DPP6: variants seen among roughly 807,000 people sequenced by gnomAD.
DPP6 encodes dipeptidyl peptidase like 6, also known as A-type potassium channel modulatory protein DPP6.
Under a neutral mutation model 122.6 loss-of-function variants are expected in DPP6, and 69 were observed. The ratio of observed to expected loss-of-function variants is 0.56; its 90% CI spans 0.46 to 0.69. The LOEUF (loss-of-function observed/expected upper bound fraction) is 0.69. Ranked by LOEUF, DPP6 falls within the 30% of genes least tolerant of loss-of-function variation. The pLI is 0.00. For synonymous variants in DPP6, 418 were observed against 433.1 expected (o/e 0.97, Z 0.43); for missense variants, 928 against 1,116.9 (o/e 0.83, Z 2.41).
intron 1 of DPP6, among the ~76,000 whole-genome samples, chr7:154,097,363 C>A (rs528889036): frequency 5.7e-4 from 87 of 152,314 alleles, no homozygotes; most frequent in African/African-American, 2.0e-3. Context: ...CCTCTATGTG[C>A]AGGGCACACC....
chr7:154,360,611 A>G (rs1450990085), intron 1 of DPP6, among the ~76,000 whole-genome samples: 2 of 152,236 alleles, frequency 1.3e-5, no homozygotes, highest in African/African-American at 4.8e-5. Context: ...GCTCAGCTCT[A>G]TACAAAGAAT....
the DPP6 span, among the ~76,000 whole-genome samples, chr7:153,868,666 A>G: frequency 6.6e-6 from 1 of 151,810 alleles, no homozygotes; most frequent in Admixed American, 6.6e-5. Context: ...TTCTGCTCTG[A>G]TCTTAGTTAT....
At chr7:153,850,924 T>A in the DPP6 span, among the ~76,000 whole-genome samples, 17 of 152,316 alleles carry the variant, frequency 1.1e-4, 1 homozygote, top group Admixed American at 9.8e-4. Context: ...CAAGTGCATA[T>A]GTCCCAGGAG....
At chr7:154,228,678 T>C (rs1442674564) in intron 1 of DPP6, among the ~76,000 whole-genome samples, 1 of 151,952 alleles carries the variant, frequency 6.6e-6, no homozygotes, top group Admixed American at 6.6e-5. Flanking sequence ...TAATAATATA[T>C]ATAAGGGAAC....
upstream of DPP6, among the ~76,000 whole-genome samples, chr7:154,051,415 G>A (rs1176556952): frequency 6.6e-6 from 1 of 151,316 alleles, no homozygotes; most frequent in East Asian, 2.0e-4. Flanking sequence ...ACGGAGAGGA[G>A]TGCAGAAGGG....
chr7:154,836,629 TGAG>T (rs1322396989), intron 16 of DPP6, among the ~76,000 whole-genome samples: 5 of 152,302 alleles, frequency 3.3e-5, no homozygotes, highest in South Asian at 4.1e-4. Flanking sequence ...TGACAAAAAA[TGAG>T]GAGGAAATTG....
intron 3 of DPP6, among the ~76,000 whole-genome samples, chr7:154,482,602 G>A (rs1823403249): frequency 6.6e-6 from 1 of 152,130 alleles, no homozygotes; most frequent in Non-Finnish European, 1.5e-5. Context: ...AATACTAAGT[G>A]TATTAAGTAG....
chr7:153,767,579 G>A, the DPP6 span, among the ~76,000 whole-genome samples: 24 of 145,326 alleles, frequency 1.7e-4, no homozygotes, highest in South Asian at 4.4e-4. Context: ...AGGTTTCACC[G>A]TGTTAGCCAG....
At chr7:154,551,220 C>T (rs1342571356) in intron 4 of DPP6, among the ~76,000 whole-genome samples, 1 of 152,182 alleles carries the variant, frequency 6.6e-6, no homozygotes, top group African/African-American at 2.4e-5. Context: ...ACAAAATCTC[C>T]AAGTAGTCTT....
intron 1 of DPP6, among the ~76,000 whole-genome samples, chr7:154,351,802 C>A (rs1025290418): frequency 6.6e-6 from 1 of 152,178 alleles, no homozygotes; most frequent in African/African-American, 2.4e-5. Context: ...CATGGGGGGC[C>A]TCTGGGTGTA....
chr7:154,152,676 G>T (rs1796482048), intron 1 of DPP6, among the ~76,000 whole-genome samples: 1 of 152,140 alleles, frequency 6.6e-6, no homozygotes, highest in South Asian at 2.1e-4. Context: ...AAGAATAAGG[G>T]ATTCATTTGT....
the DPP6 span, among the ~76,000 whole-genome samples, chr7:153,831,339 G>C: frequency 6.6e-6 from 1 of 152,144 alleles, no homozygotes; most frequent in Non-Finnish European, 1.5e-5. Context: ...GAAGAGGTGA[G>C]ATGATGTTGC....
chr7:154,555,063 A>G (rs886107917), intron 4 of DPP6, among the ~76,000 whole-genome samples: 2 of 152,190 alleles, frequency 1.3e-5, no homozygotes, highest in Non-Finnish European at 2.9e-5. Flanking sequence ...TAAATGACAA[A>G]CAATAAAACC....
In DPP6 at chr7:154,706,234, C is replaced by T. The variant is rs184520835; in HGVS notation, c.763-21533C>T. On this transcript the variant is annotated intron_variant, in intron 7 of 25. Transcript: ENST00000377770. ...TGGCCCAGCTGCTGTGGCCTCCTCC[C>T]TTCCTCGGAGGATTGTCCTTTCTTG... 2.0e-5 allele frequency among the ~76,000 whole-genome samples: 3 copies of T among 152,320 alleles called. No individual in the cohort carries two copies. In the East Asian group the frequency reaches 5.8e-4, roughly 29 times the overall value.
intron 3 of DPP6, among the ~76,000 whole-genome samples, chr7:154,532,357 A>T (rs991281824): frequency 6.6e-6 from 1 of 152,160 alleles, no homozygotes; most frequent in Non-Finnish European, 1.5e-5. Flanking sequence ...CACAGGAAAA[A>T]TTTTAGCTTT....
chr7:154,446,295 T>C lies in DPP6; in HGVS notation c.325T>C (p.Leu109=), dbSNP rs775311377. 6.2e-7 allele frequency: 1 copy of C among 1,612,398 alleles called. No individual in the cohort carries two copies. Among genetic ancestry groups the C allele is most frequent in the South Asian group, 1.1e-5 (1 of 90,836 alleles). The change falls in exon 2 of 26, where the codon TTG becomes CTG. Residue 109 remains leucine (L), a synonymous_variant. Transcript: ENST00000377770. ...GCTTGTCATTCTGGTCATCTGCTCC[T>C]TGATCGTCACCTCGGTCATACTTCT... is the stretch of plus-strand genomic sequence containing the variant. The part of the protein sequence containing the change: ...ALLVILVICS[L]IVTSVILLTP...
chr7:154,234,649 A>G (rs767992034), intron 1 of DPP6, among the ~76,000 whole-genome samples: 5 of 152,046 alleles, frequency 3.3e-5, no homozygotes, highest in Admixed American at 6.6e-5. Flanking sequence ...CACAGAATCA[A>G]CACTCAACAC....
intron 8 of DPP6, among the ~76,000 whole-genome samples, chr7:154,757,403 G>A (rs1004869379): frequency 6.6e-6 from 1 of 152,212 alleles, no homozygotes; most frequent in African/African-American, 2.4e-5. Flanking sequence ...GCACTGAAAA[G>A]TTCCCTCTCC....
chr7:154,183,181 C>T (rs922852431), intron 1 of DPP6, among the ~76,000 whole-genome samples: 6 of 152,160 alleles, frequency 3.9e-5, no homozygotes, highest in Non-Finnish European at 7.3e-5. Flanking sequence ...CCTTTGGTTT[C>T]ATGAAGCTGA....
Sources: allele counts gnomAD v4.1 joint callset (sites outside exome capture counted in the v4.1 genomes callset), GRCh38; gene constraint gnomAD v4.1.1; transcripts MANE v1.5; gene names NCBI Gene and HGNC (gene_info 2026-07-23, HGNC 2026-07-21).